Variants in WDPCP observed in about 807,000 individuals in gnomAD.
WDPCP encodes the protein WD repeat containing planar cell polarity effector.
Under a neutral mutation model 93.1 loss-of-function variants are expected in WDPCP, and 71 were observed. The observed-to-expected ratio is 0.76, with a 90% CI of 0.63 to 0.93. The LOEUF (loss-of-function observed/expected upper bound fraction) is 0.93. Among genes scored for constraint, WDPCP ranks in the 40% least tolerant of loss-of-function variants. The pLI is 0.00. For synonymous variants in WDPCP, 315 were observed against 315.0 expected (o/e 1.00, Z 0.00); for missense variants, 844 against 887.4 (o/e 0.95, Z 0.62).
intron 3 of WDPCP, among the ~76,000 whole-genome samples, chr2:63,607,654 C>T (rs1050139610): frequency 6.6e-6 from 1 of 151,500 alleles, no homozygotes. Flanking sequence ...CGCGGTGAAA[C>T]CCCATCTCTA....
chr2:63,451,683 C>A (rs943524394), intron 6 of WDPCP, among the ~76,000 whole-genome samples: 1 of 152,148 alleles, frequency 6.6e-6, no homozygotes, highest in African/African-American at 2.4e-5. Context: ...AACACTGATG[C>A]AAAAATCCTC....
intron 14 of WDPCP, among the ~76,000 whole-genome samples, chr2:63,225,056 T>TA (rs74271878): frequency 0.016 from 2,082 of 130,718 alleles, 13 homozygotes; most frequent in Non-Finnish European, 0.018. Flanking sequence ...CTACAATGAC[T>TA]AAAAAAAAAA....
At chr2:63,531,875 A>G (rs903906365) in intron 1 of WDPCP, among the ~76,000 whole-genome samples, 1 of 152,234 alleles carries the variant, frequency 6.6e-6, no homozygotes, top group African/African-American at 2.4e-5. Context: ...ATGAATTAAC[A>G]GAAGTAGGCT....
At chr2:63,734,918 T>TAGAC (rs60839595) in intron 2 of WDPCP, among the ~76,000 whole-genome samples, 1 of 150,730 alleles carries the variant, frequency 6.6e-6, no homozygotes, top group African/African-American at 2.4e-5. Flanking sequence ...GATAGATAGA[T>TAGAC]GATAGACAGA....
intron 3 of WDPCP, among the ~76,000 whole-genome samples, chr2:63,631,078 C>T (rs944959839): frequency 6.6e-5 from 10 of 152,008 alleles, no homozygotes; most frequent in South Asian, 2.1e-4. Flanking sequence ...GTAAGGAGTT[C>T]GACACCAGCC....
intron 15 of WDPCP, among the ~76,000 whole-genome samples, chr2:63,167,901 G>T (rs554323242): frequency 1.8e-4 from 28 of 152,158 alleles, no homozygotes; most frequent in African/African-American, 6.7e-4. Flanking sequence ...GATCACTTGA[G>T]CCCAGAAGTT....
chr2:63,823,695 C>T (rs1671065117), intron 1 of WDPCP, among the ~76,000 whole-genome samples: 1 of 152,028 alleles, frequency 6.6e-6, no homozygotes, highest in Non-Finnish European at 1.5e-5. Flanking sequence ...ATACACTCTC[C>T]CCCTAAATAC....
intron 3 of WDPCP, among the ~76,000 whole-genome samples, chr2:63,613,627 T>C (rs565225678): frequency 1.3e-5 from 2 of 152,332 alleles, no homozygotes; most frequent in African/African-American, 4.8e-5. Flanking sequence ...GCATGGGTGC[T>C]AAAAGGAATC....
At chr2:63,282,823 CT>C (rs1393012162) in intron 13 of WDPCP, among the ~76,000 whole-genome samples, 1 of 152,144 alleles carries the variant, frequency 6.6e-6, no homozygotes, top group Non-Finnish European at 1.5e-5. Context: ...CCAAAATCTA[CT>C]GATATTCATG....
chr2:63,266,980 A>T (rs930791997), intron 13 of WDPCP, among the ~76,000 whole-genome samples: 1 of 152,172 alleles, frequency 6.6e-6, no homozygotes, highest in Admixed American at 6.5e-5. Flanking sequence ...AATAGAAAAA[A>T]CAGTCCTAAA....
At chr2:63,416,504 C>CCCTTATGATGATATGAT (rs375812264) in intron 9 of WDPCP, among the ~76,000 whole-genome samples, 1 of 149,320 alleles carries the variant, frequency 6.7e-6, no homozygotes, top group Non-Finnish European at 1.5e-5. Context: ...TTGGATATGA[C>CCCTTATGATGATATGAT]ATTAGCATTA....
intron 13 of WDPCP, among the ~76,000 whole-genome samples, chr2:63,270,756 A>G (rs1162408674): frequency 2.6e-5 from 4 of 152,130 alleles, no homozygotes; most frequent in Non-Finnish European, 5.9e-5. Flanking sequence ...CTCTCCCATG[A>G]TGGACTCCTA....
At chr2:63,208,907 C>T (rs1371150686) in intron 14 of WDPCP, among the ~76,000 whole-genome samples, 1 of 152,184 alleles carries the variant, frequency 6.6e-6, no homozygotes, top group Non-Finnish European at 1.5e-5. Flanking sequence ...GGAACACCTG[C>T]ATTATTATTT....
At chr2:63,225,764 C>T (rs1678242002) in intron 14 of WDPCP, among the ~76,000 whole-genome samples, 1 of 151,824 alleles carries the variant, frequency 6.6e-6, no homozygotes, top group Non-Finnish European at 1.5e-5. Context: ...TGCAAATAGT[C>T]ATCTGTGTGT....
chr2:63,176,502 C>T (rs1266081380), intron 14 of WDPCP, among the ~76,000 whole-genome samples: 1 of 152,142 alleles, frequency 6.6e-6, no homozygotes, highest in Non-Finnish European at 1.5e-5. Context: ...CTTCCCACTT[C>T]CTGTGGTGGC....
chr2:63,232,729 C>CT (rs1679030780), intron 14 of WDPCP: 1 of 152,840 alleles, frequency 6.5e-6, no homozygotes, highest in Non-Finnish European at 1.5e-5. Context: ...TAAGCTTAAC[C>CT]TTTTTCATAT....
At chr2:63,637,826 ATT>A (rs1709937409) in intron 3 of WDPCP, among the ~76,000 whole-genome samples, 1 of 152,160 alleles carries the variant, frequency 6.6e-6, no homozygotes, top group Non-Finnish European at 1.5e-5. Flanking sequence ...ACTGTCTCAA[ATT>A]TTTGGTGGGA....
At position 63,683,168 on chromosome 2, in the gene WDPCP, G is replaced by A. The variant is rs544345458; in HGVS notation, n.309-32330C>T. 2.0e-5 allele frequency among the ~76,000 whole-genome samples: 3 copies of A among 152,186 alleles called. No individual in the cohort carries two copies. In the South Asian group the frequency reaches 6.2e-4, roughly 32 times the overall value. ...CCTTCACTAAAAGGAAGACAGGAAG[G>A]AGGGAAAAAAGGATGAGAAGACCAC... On this transcript the variant is annotated intron_variant and non_coding_transcript_variant, in intron 2 of 4. Coordinates refer to the WDPCP transcript ENST00000467687.
At position 63,122,042 on chromosome 2, in the gene WDPCP, A is replaced by G; in HGVS notation, c.2205T>C (p.Gly735=). The G allele has an allele frequency of 1.9e-6, 3 of 1,612,366 alleles. No homozygotes were observed. The highest frequency in any genetic ancestry group is 2.5e-6 in the Non-Finnish European group (3 of 1,178,718). ...CAAAGTGAATCATTTTGAGAGAACC[A>G]CCATCTCTGATTTCCTGCAAATAAA... The part of the protein sequence containing the change: ...EDGREQEIRD[G]GSLKMIHFGL... Residue 735 remains glycine, a synonymous_variant, in exon 18 of 18, where the codon GGT becomes GGC. Coordinates refer to ENST00000272321, the MANE Select transcript of WDPCP (RefSeq NM_015910.7).
Sources: gnomAD v4.1 joint callset for allele counts (sites outside exome capture counted in the v4.1 genomes callset) on GRCh38, gnomAD v4.1.1 for gene constraint, MANE v1.5 for transcripts, NCBI Gene and HGNC (gene_info 2026-07-23, HGNC 2026-07-21) for gene names.